MCF2L2: variants seen among roughly 807,000 people sequenced by gnomAD.
MCF2L2 encodes probable guanine nucleotide exchange factor MCF2L2.
In MCF2L2, 102 loss-of-function variants were observed where a neutral mutation model predicts 150.2. The observed-to-expected ratio is 0.68, with a 90% CI of 0.58 to 0.80. The LOEUF (loss-of-function observed/expected upper bound fraction) is 0.80, where lower values mean the gene tolerates loss of function less well. Among genes scored for constraint, MCF2L2 ranks in the 30% least tolerant of loss-of-function variants. The pLI is 0.00. For synonymous variants in MCF2L2, 465 were observed against 491.3 expected (o/e 0.95, Z 0.71); for missense variants, 1,256 against 1,372.8 (o/e 0.91, Z 1.34).
chr3:183,270,931 T>A lies in MCF2L2; in HGVS notation c.1862+5941A>T. ...ACATACCCTTGTAGGGCTGCGTTTATCTAATAGTACTTGAATGTTGTATGT... is the reference window on the plus strand; with the variant it reads ...ACATACCCTTGTAGGGCTGCGTTTAACTAATAGTACTTGAATGTTGTATGT... On this transcript the variant is annotated intron_variant, in intron 15 of 29. Coordinates refer to ENST00000328913, the MANE Select transcript of MCF2L2 (RefSeq NM_015078.4). This position sits in a 1 kb window ranked among gnomAD's most constrained non-coding sequence, Gnocchi z 4.5. The A allele has an allele frequency of 6.4e-7, 1 of 1,563,872 alleles. No homozygotes were observed. Among genetic ancestry groups the A allele is most frequent in the Non-Finnish European group, 8.6e-7 (1 of 1,159,946 alleles).
chr3:183,361,050 A>AG (rs1233314200), intron 3 of MCF2L2, among the ~76,000 whole-genome samples: 7 of 113,784 alleles, frequency 6.2e-5, no homozygotes, highest in African/African-American at 3.1e-4. Context: ...AAAGGAAAGG[A>AG]AAGGAAAGAC....
chr3:183,246,436 C>A (rs186519108), intron 15 of MCF2L2, among the ~76,000 whole-genome samples: 9 of 152,306 alleles, frequency 5.9e-5, no homozygotes, highest in Admixed American at 1.3e-4. Flanking sequence ...TGGAATCATA[C>A]AATATTCATC....
intron 27 of MCF2L2, among the ~76,000 whole-genome samples, chr3:183,187,706 A>C (rs1721744915): frequency 1.3e-5 from 2 of 152,198 alleles, no homozygotes; most frequent in South Asian, 4.1e-4. Context: ...TGACCTCCTG[A>C]TCCTCCCGCC....
At chr3:183,186,434 T>A (rs954341965) in intron 27 of MCF2L2, among the ~76,000 whole-genome samples, 44 of 152,210 alleles carry the variant, frequency 2.9e-4, no homozygotes, top group East Asian at 7.7e-4. Context: ...TTAAAAAAAA[T>A]TTTTTGTAGG....
chr3:183,200,168 AT>A (rs1576916267), intron 25 of MCF2L2, among the ~76,000 whole-genome samples: 1 of 152,192 alleles, frequency 6.6e-6, no homozygotes, highest in East Asian at 1.9e-4. Flanking sequence ...GTCAAACGAT[AT>A]TTGTAGTTCT....
At chr3:183,424,388 C>A (rs1318630434) in intron 1 of MCF2L2, among the ~76,000 whole-genome samples, 1 of 152,160 alleles carries the variant, frequency 6.6e-6, no homozygotes, top group East Asian at 1.9e-4. Flanking sequence ...GTTTTGGAGA[C>A]AAAATAGTTA....
At chr3:183,214,769 G>A (rs566145774) in intron 22 of MCF2L2, among the ~76,000 whole-genome samples, 81 of 151,540 alleles carry the variant, frequency 5.3e-4, no homozygotes, top group South Asian at 1.9e-3. Context: ...GGTGGATCAC[G>A]AGGTCAGGAG....
In MCF2L2 at chr3:183,207,758, C is replaced by T. The variant is rs142012093; in HGVS notation, c.2562G>A (p.Lys854=). Residue 854 remains lysine (K), a synonymous_variant, in exon 23 of 30, where the codon AAG becomes AAA. Transcript: ENST00000328913. ...TCAAATCCTTCATTTTATAACGATC[C>T]TTGTGAATTGTCCAGACGCTGAAAG... is the stretch of plus-strand genomic sequence containing the variant. ...HGPFSVWTIH[K]DRYKMKDLIR... The T allele has an allele frequency of 9.3e-6, 15 of 1,614,078 alleles. No homozygotes were observed. The African/African-American group carries it at 1.5e-4, about 16-fold the overall frequency.
At chr3:183,324,116 GAGT>G in intron 5 of MCF2L2, among the ~76,000 whole-genome samples, 1 of 152,304 alleles carries the variant, frequency 6.6e-6, no homozygotes, top group South Asian at 2.1e-4. Context: ...GAAACACAAA[GAGT>G]ATGCATTGAA....
chr3:183,294,070 T>G (rs927124035), intron 13 of MCF2L2, among the ~76,000 whole-genome samples: 1 of 152,156 alleles, frequency 6.6e-6, no homozygotes, highest in South Asian at 2.1e-4. Flanking sequence ...GAAAGGTGAT[T>G]CTAAAATTTA....
chr3:183,242,191 T>C (rs1431945847), intron 15 of MCF2L2, among the ~76,000 whole-genome samples: 1 of 151,836 alleles, frequency 6.6e-6, no homozygotes, highest in African/African-American at 2.4e-5. Context: ...AGCATAAAAG[T>C]TCAGAAAATT....
chr3:183,273,869 G>T (rs1412534442), intron 15 of MCF2L2, among the ~76,000 whole-genome samples: 1 of 152,086 alleles, frequency 6.6e-6, no homozygotes, highest in Non-Finnish European at 1.5e-5. Flanking sequence ...ATTCCATCTA[G>T]GTTCTCGTAT....
At chr3:183,332,695 A>G (rs1324425941) in intron 5 of MCF2L2, among the ~76,000 whole-genome samples, 1 of 152,078 alleles carries the variant, frequency 6.6e-6, no homozygotes, top group Non-Finnish European at 1.5e-5. Flanking sequence ...TCACGAAGGG[A>G]CTCGTGAAGA....
intron 15 of MCF2L2, among the ~76,000 whole-genome samples, chr3:183,263,672 G>A (rs1020380105): frequency 2.0e-5 from 3 of 151,964 alleles, no homozygotes; most frequent in African/African-American, 4.8e-5. Context: ...TGTCTAACTC[G>A]TCTTAGATTA....
chr3:183,426,467 T>C (rs1716172039), intron 1 of MCF2L2, among the ~76,000 whole-genome samples: 1 of 152,204 alleles, frequency 6.6e-6, no homozygotes, highest in Admixed American at 6.5e-5. Context: ...TCTACCCAAA[T>C]TATCTTACTT....
At chr3:183,291,979 T>C (rs938748927) in intron 13 of MCF2L2, among the ~76,000 whole-genome samples, 1 of 152,174 alleles carries the variant, frequency 6.6e-6, no homozygotes. Flanking sequence ...AGACGAAAGG[T>C]CAAGAGAACC....
chr3:183,396,783 A>G (rs916001045), intron 1 of MCF2L2, among the ~76,000 whole-genome samples: 5 of 152,214 alleles, frequency 3.3e-5, no homozygotes, highest in Non-Finnish European at 5.9e-5. Flanking sequence ...AATATGGAAT[A>G]GTATGATGAG....
intron 25 of MCF2L2, among the ~76,000 whole-genome samples, chr3:183,201,849 T>C (rs1451627940): frequency 6.6e-6 from 1 of 152,226 alleles, no homozygotes; most frequent in Non-Finnish European, 1.5e-5. Flanking sequence ...TGTTGAATTT[T>C]GTTGAAGACC....
In MCF2L2 at chr3:183,379,362, C is replaced by T. The variant is rs967340847; in HGVS notation, c.210G>A (p.Ser70=). 6 of 1,610,760 alleles carry T rather than the reference C, an allele frequency of 3.7e-6. No individual in the cohort carries two copies. Among genetic ancestry groups the T allele is most frequent in the South Asian group, 2.2e-5 (2 of 90,320 alleles). The change falls in exon 3 of 30, where the codon TCG becomes TCA. Residue 70 remains serine, a synonymous_variant. Transcript: ENST00000328913. ...CTTCATCTGGGATGTGTTTGAACCC[C>T]GAAAACTCTGGGAACGTGATGATGG... ...GAPIITFPEF[S]GFKHIPDEDF... is the part of the protein sequence containing the mutation.
Sources: gnomAD v4.1 joint callset for allele counts (sites outside exome capture counted in the v4.1 genomes callset) on GRCh38, gnomAD v4.1.1 for gene constraint, Gnocchi (gnomAD v3.1) non-coding constraint, MANE v1.5 for transcripts, NCBI Gene and HGNC (gene_info 2026-07-23, HGNC 2026-07-21) for gene names.